Variants in ADIPOQ observed in about 807,000 individuals in gnomAD.
ADIPOQ encodes the protein adiponectin.
Under a neutral mutation model 16.1 loss-of-function variants are expected in ADIPOQ, and 19 were observed. That is an observed-to-expected ratio of 1.18 (90% CI 0.82 to 1.73). The LOEUF (loss-of-function observed/expected upper bound fraction) is 1.73. ADIPOQ is among the 40% of genes most tolerant of loss of function. The probability of loss-of-function intolerance (pLI) is 0.00; values close to 1 mark genes in which losing one functional copy is unlikely to be tolerated. For synonymous variants in ADIPOQ, 124 were observed against 125.5 expected (o/e 0.99, Z 0.08); for missense variants, 323 against 308.3 (o/e 1.05, Z -0.36).
At chr3:186,847,265 C>T (rs1403084016) in intron 1 of ADIPOQ, among the ~76,000 whole-genome samples, 3 of 152,236 alleles carry the variant, frequency 2.0e-5, no homozygotes, top group Admixed American at 1.3e-4. Context: ...CTACCCTATC[C>T]TGTCTCTCAA....
In ADIPOQ at chr3:186,854,463, C is replaced by G. The variant is rs1347692539; in HGVS notation, c.494C>G (p.Thr165Arg). 6.2e-7 allele frequency: 1 copy of G among 1,614,198 alleles called. No homozygotes were observed. The highest frequency in any genetic ancestry group is 8.5e-7 in the Non-Finnish European group (1 of 1,180,022). ...PGLYYFAYHI[T>R]VYMKDVKVSL... Reference sequence around the variant, plus strand: ...CTGTACTACTTTGCCTACCACATCACAGTCTATATGAAGGATGTGAAGGTC... The same window carrying G: ...CTGTACTACTTTGCCTACCACATCAGAGTCTATATGAAGGATGTGAAGGTC... The change falls in exon 3 of 3, where the codon ACA becomes AGA. Residue 165 changes from threonine to arginine, a missense_variant. By Grantham distance (71) the Thr-to-Arg change is moderately conservative. Transcript: ENST00000320741.
At position 186,855,009 on chromosome 3, in the gene ADIPOQ, G is replaced by C. The variant is rs565186343; in HGVS notation, c.*305G>C. ...CAATCCTATAAGGCACAGGGAACAA[G>C]CATTCTCCTGTTTTTACAGATTGTA... On this transcript the variant is annotated 3_prime_UTR_variant, in exon 3 of 3. Coordinates refer to ENST00000320741, the MANE Select transcript of ADIPOQ (RefSeq NM_004797.4). 11 of 420,270 alleles carry C rather than the reference G, an allele frequency of 2.6e-5. No homozygotes were observed. Among genetic ancestry groups the C allele is most frequent in the African/African-American group, 1.4e-4 (7 of 49,554 alleles). The allele number at this position is 420,270 out of a possible 1,614,324, so 26.0% of individuals were successfully genotyped here.
chr3:186,853,359 A>G, intron 2 of ADIPOQ, 87 bp downstream of exon 2: 1 of 1,469,214 alleles, frequency 6.8e-7, no homozygotes, highest in South Asian at 1.2e-5. Flanking sequence ...TAAGGCCTAG[A>G]CACAGGGAGA....
rs1711720768 is a variant in ADIPOQ at position 186,850,671 on chromosome 3, T to TA, written c.-8-2380_-8-2379insA. 2.0e-5 allele frequency among the ~76,000 whole-genome samples: 3 copies of TA among 152,148 alleles called. No individual in the cohort carries two copies. In the East Asian group the frequency reaches 5.8e-4, roughly 29 times the overall value. ...TAAAAGTTTGATGAAATATAAATGGTCAAATATATATTGATTATATCCACT... is the reference window on the plus strand; with the variant it reads ...TAAAAGTTTGATGAAATATAAATGGTACAAATATATATTGATTATATCCACT... On this transcript the variant is annotated intron_variant, in intron 1 of 2. Transcript: ENST00000320741.
At chr3:186,849,740 A>G (rs190538138) in intron 1 of ADIPOQ, among the ~76,000 whole-genome samples, 167 of 152,356 alleles carry the variant, frequency 1.1e-3, no homozygotes, top group African/African-American at 3.8e-3. Flanking sequence ...CTGATATTTG[A>G]TAAATGATGC....
rs1712080289 is a variant in ADIPOQ at position 186,858,139 on chromosome 3, T to C, written c.*3435T>C. On this transcript the variant is annotated 3_prime_UTR_variant, in exon 3 of 3. Coordinates refer to ENST00000320741, the MANE Select transcript of ADIPOQ (RefSeq NM_004797.4). ...GGCTCATGCCACTGCGCCCAGCTAA[T>C]TTTTGTATTTTTCGTAGAGACGGGG... The C allele has an allele frequency of 1.3e-5, 2 of 152,106 alleles. No individual in the cohort carries two copies. The highest frequency in any genetic ancestry group is 4.8e-5 in the African/African-American group (2 of 41,418). 9.4% of individuals were successfully genotyped at this position (152,106 alleles called of 1,614,324 possible).
At chr3:186,850,132 T>C (rs1424962737) in intron 1 of ADIPOQ, among the ~76,000 whole-genome samples, 1 of 151,826 alleles carries the variant, frequency 6.6e-6, no homozygotes, top group African/African-American at 2.4e-5. Flanking sequence ...TAGCTGCGTG[T>C]GGTGGTGCAT....
chr3:186,853,706 G>A (rs1365867962), intron 2 of ADIPOQ: 1 of 218,760 alleles, frequency 4.6e-6, no homozygotes, highest in Non-Finnish European at 9.1e-6. Flanking sequence ...CTACAAGAAA[G>A]TCTACTCTAA....
rs1436635625 is a variant in ADIPOQ, at chr3:186,854,542, A to G, written c.573A>G (p.Glu191=). 11 of 1,614,148 alleles carry G rather than the reference A, an allele frequency of 6.8e-6. No homozygotes were observed. The highest frequency in any genetic ancestry group is 2.7e-5 in the African/African-American group (2 of 75,062). Residue 191 remains glutamate, a synonymous_variant, in exon 3 of 3, where the codon GAA becomes GAG. Coordinates refer to ENST00000320741, the MANE Select transcript of ADIPOQ (RefSeq NM_004797.4). ...AMLFTYDQYQ[E]NNVDQASGSV... ...TCTTCACCTATGATCAGTACCAGGA[A>G]AATAATGTGGACCAGGCCTCCGGCT...
chr3:186,846,121 C>G (rs1711570669), intron 1 of ADIPOQ, among the ~76,000 whole-genome samples: 1 of 152,172 alleles, frequency 6.6e-6, no homozygotes, highest in South Asian at 2.1e-4. Context: ...AGCATGGGAA[C>G]TGGCTTCTAT....
At chr3:186,846,443 A>T (rs1433936895) in intron 1 of ADIPOQ, among the ~76,000 whole-genome samples, 1 of 152,098 alleles carries the variant, frequency 6.6e-6, no homozygotes, top group Non-Finnish European at 1.5e-5. Flanking sequence ...CATATTGGCC[A>T]GGCTGGTCTT....
rs1208433541 is a variant in ADIPOQ at position 186,854,653 on chromosome 3, T to C, written c.684T>C (p.Asn228=). Reference sequence around the variant, plus strand: ...AGCGTAATGGACTCTATGCTGATAATGACAATGACTCCACCTTCACAGGCT... The same window carrying C: ...AGCGTAATGGACTCTATGCTGATAACGACAATGACTCCACCTTCACAGGCT... The part of the protein sequence containing the change: ...EGERNGLYAD[N]DNDSTFTGFL... Residue 228 remains asparagine, a synonymous_variant, in exon 3 of 3, where the codon AAT becomes AAC. Transcript: ENST00000320741. The C allele has an allele frequency of 2.5e-6, 4 of 1,614,028 alleles. No homozygotes were observed. Among genetic ancestry groups the C allele is most frequent in the African/African-American group, 2.7e-5 (2 of 74,900 alleles).
chr3:186,852,021 GGA>G lies in ADIPOQ; in HGVS notation c.-8-1017_-8-1016del, dbSNP rs139659186. ...GAAGCAAGCACATCACACAGCAGCA[GGA>G]GAGAGAGAGAGAAAGAGAGAGAGAG... On this transcript the variant is annotated intron_variant, in intron 1 of 2. Transcript: ENST00000320741. 21 of 155,844 alleles carry G rather than the reference GGA, an allele frequency of 1.3e-4. 1 individual carries two copies. The South Asian group carries it at 2.2e-3, about 16-fold the overall frequency. 9.7% of individuals were successfully genotyped at this position (155,844 alleles called of 1,614,324 possible). A position where few individuals can be genotyped will look rare whatever the true frequency, so the allele number is the denominator to read the frequency against.
rs1159716371 is a variant in ADIPOQ, at chr3:186,857,908, CCTTT to C, written c.*3212_*3215del. Reference sequence around the variant, plus strand: ...CTCAACTTCCTTTTCTTTCTTCCTTCCTTTCTTTCTTCCTTCCTTTCTTTCTCTC... The same window carrying C: ...CTCAACTTCCTTTTCTTTCTTCCTTCCTTTCTTCCTTCCTTTCTTTCTCTC... On this transcript the variant is annotated 3_prime_UTR_variant, in exon 3 of 3. Coordinates refer to ENST00000320741, the MANE Select transcript of ADIPOQ (RefSeq NM_004797.4). 3 of 151,566 alleles carry C rather than the reference CCTTT, an allele frequency of 2.0e-5. No homozygotes were observed. The highest frequency in any genetic ancestry group is 2.1e-4 in the South Asian group (1 of 4,786). 9.4% of individuals were successfully genotyped at this position (151,566 alleles called of 1,614,324 possible). A position where few individuals can be genotyped will look rare whatever the true frequency, so the allele number is the denominator to read the frequency against.
rs1712092842 is a variant in ADIPOQ, at chr3:186,858,416, T to G, written c.*3712T>G. ...TATCCAGTCTAAAAATATCTGTCTT[T>G]TAATTGGTGTTTAGACAATTTATAT... is the stretch of plus-strand genomic sequence containing the variant. On this transcript the variant is annotated 3_prime_UTR_variant, in exon 3 of 3. Coordinates refer to ENST00000320741, the MANE Select transcript of ADIPOQ (RefSeq NM_004797.4). 1 of 152,126 alleles carries G rather than the reference T, an allele frequency of 6.6e-6. No individual in the cohort carries two copies. The highest frequency in any genetic ancestry group is 2.1e-4 in the South Asian group (1 of 4,830). 9.4% of individuals were successfully genotyped at this position (152,126 alleles called of 1,614,324 possible).
chr3:186,847,439 T>C (rs1366331114), intron 1 of ADIPOQ, among the ~76,000 whole-genome samples: 3 of 152,254 alleles, frequency 2.0e-5, no homozygotes, highest in Non-Finnish European at 4.4e-5. Flanking sequence ...AACTATGTTA[T>C]TTATTAATTT....
At position 186,848,678 on chromosome 3, in the gene ADIPOQ, ACT is replaced by A. The variant is rs72547423; in HGVS notation, c.-8-4370_-8-4369del. ...TAATCTTCCCAAAGCCCTGCTTTTG[ACT>A]CTAATGTGTCTCCTGAGACTTGGAG... On this transcript the variant is annotated intron_variant, in intron 1 of 2. Coordinates refer to ENST00000320741, the MANE Select transcript of ADIPOQ (RefSeq NM_004797.4). 2.3e-3 allele frequency among the ~76,000 whole-genome samples: 354 copies of A among 152,282 alleles called. 5 individuals are homozygous for A. The East Asian group carries it at 0.034, about 15-fold the overall frequency.
chr3:186,845,806 A>G (rs1011487456), intron 1 of ADIPOQ, among the ~76,000 whole-genome samples: 1 of 152,206 alleles, frequency 6.6e-6, no homozygotes, highest in Non-Finnish European at 1.5e-5. Flanking sequence ...GATTAAGTAA[A>G]ATAAATTTTG....
intron 1 of ADIPOQ, among the ~76,000 whole-genome samples, chr3:186,850,413 T>G (rs1711713695): frequency 6.6e-6 from 1 of 151,938 alleles, no homozygotes; most frequent in Admixed American, 6.6e-5. Flanking sequence ...ATACACACAC[T>G]AATGATGTAC....
Sources: gnomAD v4.1 joint callset for allele counts (sites outside exome capture counted in the v4.1 genomes callset) on GRCh38, gnomAD v4.1.1 for gene constraint, MANE v1.5 for transcripts, NCBI Gene and HGNC (gene_info 2026-07-23, HGNC 2026-07-21) for gene names.